The following RSF1 variants were observed in gnomAD, a reference collection of about 807,000 sequenced individuals.
RSF1 encodes the protein HBV pX-associated protein 8.
A neutral mutation model predicts 145.2 loss-of-function variants in RSF1; 13 were observed. That is an observed-to-expected ratio of 0.09 (90% CI 0.06 to 0.14). The LOEUF (loss-of-function observed/expected upper bound fraction) is 0.14, where lower values mean the gene tolerates loss of function less well. Ranked by LOEUF, RSF1 falls within the 10% of genes least tolerant of loss-of-function variation. RSF1 has a pLI of 1.00. For synonymous variants in RSF1, 577 were observed against 592.6 expected (o/e 0.97, Z 0.38); for missense variants, 1,517 against 1,718.2 (o/e 0.88, Z 2.07).
At chr11:77,745,930 A>G (rs1482807628) in intron 3 of RSF1, among the ~76,000 whole-genome samples, 1 of 152,096 alleles carries the variant, frequency 6.6e-6, no homozygotes, top group South Asian at 2.1e-4. Flanking sequence ...CTGAAAAGTT[A>G]TATGTATTAT....
intron 5 of RSF1, among the ~76,000 whole-genome samples, chr11:77,713,886 T>G (rs1176623520): frequency 6.6e-6 from 1 of 152,198 alleles, no homozygotes; most frequent in African/African-American, 2.4e-5. Context: ...AGGGATGTTA[T>G]TCTGCTTCTT....
chr11:77,749,087 G>C (rs1171207466), intron 2 of RSF1, among the ~76,000 whole-genome samples: 1 of 152,198 alleles, frequency 6.6e-6, no homozygotes, highest in Non-Finnish European at 1.5e-5. Flanking sequence ...CCATGTATAT[G>C]AAGTGTCCAG....
rs774158509 is a variant in RSF1, at chr11:77,701,012, T to C, written c.2217A>G (p.Ile739Met). The C allele has an allele frequency of 1.9e-6, 3 of 1,613,832 alleles. No homozygotes were observed. Among genetic ancestry groups the C allele is most frequent in the Non-Finnish European group, 1.7e-6 (2 of 1,180,032 alleles). ...QKEGIKLTIRISSRKKKPDSP... is the reference protein window; with the variant it reads ...QKEGIKLTIRMSSRKKKPDSP... ...AATCGGGCTTCTTTTTCCGACTTGA[T>C]ATCCTGATTGTTAATTTGATGCCCT... Residue 739 changes from isoleucine (I) to methionine (M), a missense_variant, in exon 6 of 16, where the codon ATA (isoleucine) becomes ATG (methionine). By Grantham distance (10) the Ile-to-Met change is conservative. This residue lies in a region of RSF1 where 579 missense variants were observed against 553.5 expected (regional missense o/e 1.05). Transcript: ENST00000308488.
At chr11:77,838,005 T>C in the RSF1 span, among the ~76,000 whole-genome samples, 1 of 152,156 alleles carries the variant, frequency 6.6e-6, no homozygotes, top group African/African-American at 2.4e-5. Flanking sequence ...CCCAGGGGCT[T>C]GAGGTTGCAG....
intron 2 of RSF1, among the ~76,000 whole-genome samples, chr11:77,759,071 G>A (rs1420841559): frequency 6.6e-6 from 1 of 152,086 alleles, no homozygotes; most frequent in Non-Finnish European, 1.5e-5. Flanking sequence ...AGAGTTTCAT[G>A]ATTTAGCCCT....
chr11:77,786,971 A>C lies in RSF1; in HGVS notation c.188-22282T>G, dbSNP rs1356027388. On this transcript the variant is annotated intron_variant, in intron 1 of 15. Transcript: ENST00000308488. ...GGCAAACAGGGAGGATCAATCAAAA[A>C]CCTGGCAATCTCCCTTAGAGAGATG... Among the ~76,000 whole-genome samples the C allele has an allele frequency of 2.0e-5, 3 of 152,188 alleles. No homozygotes were observed. In the South Asian group the frequency reaches 6.2e-4, roughly 32 times the overall value.
chr11:77,675,050 T>C lies in RSF1; in HGVS notation c.3548A>G (p.Asn1183Ser), dbSNP rs1368874518. The change falls in exon 14 of 16, where the codon AAT (asparagine) becomes AGT (serine). Residue 1183 changes from asparagine (N) to serine (S), a missense_variant. Coordinates refer to ENST00000308488, the MANE Select transcript of RSF1 (RefSeq NM_016578.4). ...ATTATTTTTACCAGAGTCTCTACTA[T>C]TCTCCTCAGATTCCTCCTCTTCATC... ...DDDEEEESEE[N>S]SRDSESDFSD... is the part of the protein sequence containing the mutation. 6.2e-7 allele frequency: 1 copy of C among 1,609,558 alleles called. No homozygotes were observed.
the RSF1 span, among the ~76,000 whole-genome samples, chr11:77,848,650 G>A: frequency 1.3e-5 from 2 of 152,150 alleles, no homozygotes; most frequent in Admixed American, 6.5e-5. Flanking sequence ...GTGAGCCACC[G>A]TGCCTGGCCA....
chr11:77,696,500 C>T (rs1349217432), intron 7 of RSF1, among the ~76,000 whole-genome samples: 1 of 152,178 alleles, frequency 6.6e-6, no homozygotes, highest in Non-Finnish European at 1.5e-5. Context: ...TAAGAATCTA[C>T]CATATTTGGG....
chr11:77,823,833 C>A (rs528114321), upstream of RSF1, among the ~76,000 whole-genome samples: 312 of 152,030 alleles, frequency 2.1e-3, no homozygotes, highest in African/African-American at 7.1e-3. Context: ...ATTATGTGAA[C>A]CTTGCCTGTA....
intron 11 of RSF1, among the ~76,000 whole-genome samples, chr11:77,680,671 T>C (rs903656689): frequency 6.6e-6 from 1 of 152,218 alleles, no homozygotes; most frequent in Non-Finnish European, 1.5e-5. Flanking sequence ...TCTTTTACAA[T>C]GTAATTTTTA....
At chr11:77,694,736 C>G (rs1239168968) in intron 7 of RSF1, among the ~76,000 whole-genome samples, 1 of 152,126 alleles carries the variant, frequency 6.6e-6, no homozygotes, top group Non-Finnish European at 1.5e-5. Flanking sequence ...CACTGATGTC[C>G]TTTTGTTGAT....
Position 77,698,556 on chromosome 11 carries a change from A to T in RSF1, c.2646T>A (p.Ser882Arg). 1 of 1,614,080 alleles carries T rather than the reference A, an allele frequency of 6.2e-7. No homozygotes were observed. Among genetic ancestry groups the T allele is most frequent in the Non-Finnish European group, 8.5e-7 (1 of 1,179,996 alleles). ...CATCATCTGCTAGGATGGCTTCTTC[A>T]CTTTCCTTTTCTTCCTCCTCTTCTG... ...AASEEEEEKE[S>R]EEAILADDDE... Residue 882 changes from serine (S) to arginine (R), a missense_variant, in exon 7 of 16, where the codon AGT (serine) becomes AGA (arginine). Ser to Arg is a moderately radical substitution (Grantham distance 110). Around this residue, in one of 12 missense-constraint regions of RSF1, gnomAD observed 24 missense variants for 32.1 expected, o/e 0.75. Transcript: ENST00000308488.
intron 2 of RSF1, among the ~76,000 whole-genome samples, chr11:77,752,380 C>T (rs1327018102): frequency 2.0e-5 from 3 of 152,132 alleles, no homozygotes; most frequent in Non-Finnish European, 4.4e-5. Flanking sequence ...GAAAATCCGC[C>T]TGCATAATAA....
intron 2 of RSF1, among the ~76,000 whole-genome samples, chr11:77,748,350 G>A (rs772903297): frequency 4.0e-5 from 6 of 150,682 alleles, no homozygotes; most frequent in Non-Finnish European, 7.4e-5. Context: ...TCAGCCACCC[G>A]AGAAGCTGGG....
chr11:77,806,268 T>TGAAA (rs1948676286), intron 1 of RSF1, among the ~76,000 whole-genome samples: 1 of 152,152 alleles, frequency 6.6e-6, no homozygotes, highest in Non-Finnish European at 1.5e-5. Flanking sequence ...TAATGACTTT[T>TGAAA]CCCTCATGGT....
At position 77,702,275 on chromosome 11, in the gene RSF1, A is replaced by G. The variant is rs762366030; in HGVS notation, c.954T>C (p.Asn318=). The G allele has an allele frequency of 3.2e-5, 51 of 1,609,144 alleles. 1 individual carries two copies. In the Middle Eastern group the frequency reaches 4.9e-4, roughly 16 times the overall value. ...IKEESDSFKE[N]VKPIKVEVKE... is the part of the protein sequence containing the mutation. Reference sequence around the variant, plus strand: ...TCACCTCAACTTTAATGGGTTTGACATTTTCCTTGAAGGAATCACTTTCTT... The same window carrying G: ...TCACCTCAACTTTAATGGGTTTGACGTTTTCCTTGAAGGAATCACTTTCTT... Residue 318 remains asparagine (N), a synonymous_variant, in exon 6 of 16, where the codon AAT becomes AAC. Transcript: ENST00000308488.
Position 77,675,118 on chromosome 11 carries a change from C to T in RSF1, c.3480G>A (p.Arg1160=). 6.2e-7 allele frequency: 1 copy of T among 1,614,150 alleles called. No homozygotes were observed. The highest frequency in any genetic ancestry group is 8.5e-7 in the Non-Finnish European group (1 of 1,180,030). ...RHPSRPMRQS[R]RLRRKTPKKK... ...TCTTTGGGGTCTTTCTTCGCAAACG[C>T]CTGCTCTGCCTCATTGGCCGAGAGG... Residue 1160 remains arginine (R), a synonymous_variant, in exon 14 of 16, where the codon AGG becomes AGA. Transcript: ENST00000308488.
At chr11:77,687,255 A>C (rs962922988) in intron 9 of RSF1, among the ~76,000 whole-genome samples, 2 of 152,200 alleles carry the variant, frequency 1.3e-5, no homozygotes, top group Non-Finnish European at 2.9e-5. Flanking sequence ...GAGAATCAGC[A>C]AACACCAACA....
Sources: gnomAD v4.1 joint callset for allele counts (sites outside exome capture counted in the v4.1 genomes callset) on GRCh38, gnomAD v4.1.1 for gene constraint, gnomAD v4.1.1 regional missense constraint, MANE v1.5 for transcripts, NCBI Gene and HGNC (gene_info 2026-07-23, HGNC 2026-07-21) for gene names.